TMEM14A: variants seen among roughly 807,000 people sequenced by gnomAD.
TMEM14A encodes transmembrane protein 14A.
TMEM14A carries 8 observed loss-of-function variants against 11.6 expected under a neutral mutation model. The ratio of observed to expected loss-of-function variants is 0.69; its 90% CI spans 0.40 to 1.24. TMEM14A has a LOEUF of 1.24. Among genes scored for constraint, TMEM14A ranks in the 50% most tolerant of loss-of-function variants. The pLI is 0.01. For missense variants in TMEM14A, 108 were observed against 121.9 expected (o/e 0.89, Z 0.54); for synonymous variants, 34 against 45.5 (o/e 0.75, Z 1.02).
chr6:52,672,023 C>A (rs60892918), intron 1 of TMEM14A, among the ~76,000 whole-genome samples: 1,608 of 152,300 alleles, frequency 0.011, 17 homozygotes, highest in African/African-American at 0.036. Flanking sequence ...ATTTATTTTG[C>A]CTCTTTAGAA....
chr6:52,681,051 C>A (rs947673423), intron 2 of TMEM14A, among the ~76,000 whole-genome samples: 5 of 151,918 alleles, frequency 3.3e-5, no homozygotes, highest in Admixed American at 2.6e-4. Flanking sequence ...GGATTTTAAC[C>A]TAACAGATTC....
At chr6:52,673,289 A>T (rs1220813763) in intron 1 of TMEM14A, among the ~76,000 whole-genome samples, 1 of 152,152 alleles carries the variant, frequency 6.6e-6, no homozygotes, top group Non-Finnish European at 1.5e-5. Context: ...AGAACATCTG[A>T]GCCCCTGCCC....
chr6:52,680,603 A>ATATATATATG (rs1769351097), intron 2 of TMEM14A, among the ~76,000 whole-genome samples: 1 of 121,734 alleles, frequency 8.2e-6, no homozygotes, highest in Non-Finnish European at 1.7e-5. Context: ...TTATATATAT[A>ATATATATATG]TATATATATG....
At chr6:52,673,420 C>T (rs2127261321) in intron 1 of TMEM14A, among the ~76,000 whole-genome samples, 1 of 152,148 alleles carries the variant, frequency 6.6e-6, no homozygotes, top group Middle Eastern at 3.4e-3. Context: ...GCATAAATTG[C>T]ATGATGTTTG....
At chr6:52,683,184 G>C (rs1769423122) in intron 3 of TMEM14A, among the ~76,000 whole-genome samples, 1 of 152,264 alleles carries the variant, frequency 6.6e-6, no homozygotes, top group Non-Finnish European at 1.5e-5. Context: ...TCTTAGCTAG[G>C]CATGGTGGCT....
At chr6:52,674,541 T>A (rs1467741016) in intron 1 of TMEM14A, among the ~76,000 whole-genome samples, 1 of 152,200 alleles carries the variant, frequency 6.6e-6, no homozygotes, top group Non-Finnish European at 1.5e-5. Context: ...CATGATTACA[T>A]GAGTTGATAC....
At chr6:52,680,593 T>TATA (rs1561874928) in intron 2 of TMEM14A, among the ~76,000 whole-genome samples, 5,697 of 96,222 alleles carry the variant, frequency 0.059, 377 homozygotes, top group East Asian at 0.13. Context: ...ATTTATATAT[T>TATA]TATATATATA....
rs371102796 is a variant in TMEM14A, at chr6:52,680,704, T to TATATATATATATATATATATATACACAC, written c.71-1108_71-1107insTATATATATATATATATATATACACACA. Among the ~76,000 whole-genome samples the TATATATATATATATATATATATACACAC allele has an allele frequency of 2.2e-4, 11 of 51,100 alleles. 1 individual carries two copies. The South Asian group carries it at 4.9e-3, about 23-fold the overall frequency. The allele number at this position is 51,100 out of a possible 152,430, so 33.5% of individuals were successfully genotyped here. ...ATATACATATATGTATATATATATA[T>TATATATATATATATATATATATACACAC]ACACATATATATATGGCATGGATGA... On this transcript the variant is annotated intron_variant, in intron 2 of 4. Coordinates refer to ENST00000211314, the MANE Select transcript of TMEM14A (RefSeq NM_014051.4).
At chr6:52,681,403 AC>A (rs1452016114) in intron 2 of TMEM14A, among the ~76,000 whole-genome samples, 3 of 152,182 alleles carry the variant, frequency 2.0e-5, no homozygotes, top group Non-Finnish European at 4.4e-5. Context: ...AACTAAAACT[AC>A]CTTTGCATCT....
In TMEM14A at chr6:52,680,577, CTATATATTTATATATTTATATA is replaced by C. The variant is rs1458212512; in HGVS notation, c.71-1228_71-1207del. Among the ~76,000 whole-genome samples the C allele has an allele frequency of 2.0e-3, 122 of 60,780 alleles. 1 individual carries two copies. Among genetic ancestry groups the C allele is most frequent in the South Asian group, 8.2e-3 (10 of 1,226 alleles). The allele number at this position is 60,780 out of a possible 152,430, so 39.9% of individuals were successfully genotyped here. A position where few individuals can be genotyped will look rare whatever the true frequency, so the allele number is the denominator to read the frequency against. On this transcript the variant is annotated intron_variant, in intron 2 of 4. Coordinates refer to ENST00000211314, the MANE Select transcript of TMEM14A (RefSeq NM_014051.4). ...TCTCCAACTGTAACATTCTAAGCCA[CTATATATTTATATATTTATATA>C]TATATATATATATGTATATATATGT...
chr6:52,680,660 T>TATATATATAC (rs1185425959), intron 2 of TMEM14A, among the ~76,000 whole-genome samples: 12,096 of 45,290 alleles, frequency 0.27, 2,746 homozygotes, highest in Non-Finnish European at 0.33. Context: ...TGTGTGTGTA[T>TATATATATAC]ATATATGTGT....
rs71799754 is a variant in TMEM14A at position 52,683,483 on chromosome 6, CA to C, written c.173-581del. Among the ~76,000 whole-genome samples the C allele has an allele frequency of 4.2e-3, 554 of 130,922 alleles. 2 individuals carry two copies. Among genetic ancestry groups the C allele is most frequent in the Middle Eastern group, 0.023 (6 of 262 alleles). 85.9% of individuals were successfully genotyped at this position (130,922 alleles called of 152,430 possible). A position where few individuals can be genotyped will look rare whatever the true frequency, so the allele number is the denominator to read the frequency against. On this transcript the variant is annotated intron_variant, in intron 3 of 4. Coordinates refer to ENST00000211314, the MANE Select transcript of TMEM14A (RefSeq NM_014051.4). ...TCAACAACAACAACAACAACAACAA[CA>C]AAAAAAAAAAAAAGAAAAAGAAAAG...
At chr6:52,679,031 T>TAC (rs1769314166) in intron 2 of TMEM14A, among the ~76,000 whole-genome samples, 1 of 152,180 alleles carries the variant, frequency 6.6e-6, no homozygotes, top group Non-Finnish European at 1.5e-5. Context: ...TTGAGAATAA[T>TAC]CTTGGGTCGG....
intron 2 of TMEM14A, among the ~76,000 whole-genome samples, chr6:52,678,565 A>G (rs1359950248): frequency 1.3e-5 from 2 of 152,282 alleles, no homozygotes; most frequent in Middle Eastern, 3.4e-3. Context: ...TGGGTTCACA[A>G]GGAAGCTCAC....
chr6:52,677,372 T>C (rs1314900725), intron 2 of TMEM14A, among the ~76,000 whole-genome samples, 200 bp downstream of exon 2: 1 of 152,156 alleles, frequency 6.6e-6, no homozygotes, highest in Non-Finnish European at 1.5e-5. Context: ...ACCTGGGGGT[T>C]CTGGGCCTCT....
At chr6:52,671,405 C>G (rs1276032251) in intron 1 of TMEM14A, among the ~76,000 whole-genome samples, 160 bp downstream of exon 1, 4 of 152,174 alleles carry the variant, frequency 2.6e-5, no homozygotes, top group Non-Finnish European at 5.9e-5. Context: ...TGCAGGGCAT[C>G]GGTCTTACCT....
At position 52,686,044 on chromosome 6, in the gene TMEM14A, C is replaced by T; in HGVS notation, c.295C>T (p.Leu99Phe). ...MMILRLVLLL[L>F] Reference sequence around the variant, plus strand: ...GATCCTGAGACTTGTCTTGTTGCTGCTCTGAGCATCTGGAGGAACAGAAAA... The same window carrying T: ...GATCCTGAGACTTGTCTTGTTGCTGTTCTGAGCATCTGGAGGAACAGAAAA... Residue 99 changes from leucine to phenylalanine, a missense_variant, in exon 5 of 5, where the codon CTC becomes TTC. By Grantham distance (22) the Leu-to-Phe change is conservative (BLOSUM62 0). Transcript: ENST00000211314. 6.2e-7 allele frequency: 1 copy of T among 1,611,710 alleles called. No individual in the cohort carries two copies. The highest frequency in any genetic ancestry group is 8.5e-7 in the Non-Finnish European group (1 of 1,178,964).
rs778387559 is a variant in TMEM14A, at chr6:52,677,132, C to T, written c.30C>T (p.Ala10=). 10 of 1,614,018 alleles carry T rather than the reference C, an allele frequency of 6.2e-6. No individual in the cohort carries two copies. The highest frequency in any genetic ancestry group is 8.5e-6 in the Non-Finnish European group (10 of 1,180,044). ...ACCTGATCGGTTTTGGTTATGCAGC[C>T]CTCGTGACATTTGGAAGCATTTTTG... The part of the protein sequence containing the change: MDLIGFGYA[A]LVTFGSIFGY... The change falls in exon 2 of 5, where the codon GCC becomes GCT. Residue 10 remains alanine (A), a synonymous_variant. Transcript: ENST00000211314.
intron 1 of TMEM14A, among the ~76,000 whole-genome samples, chr6:52,673,206 A>G (rs1206578044): frequency 6.6e-6 from 1 of 152,162 alleles, no homozygotes; most frequent in African/African-American, 2.4e-5. Flanking sequence ...TGTGTGGCAG[A>G]TGAACCTGAA....
Sources: allele counts gnomAD v4.1 joint callset (sites outside exome capture counted in the v4.1 genomes callset), GRCh38; gene constraint gnomAD v4.1.1; transcripts MANE v1.5; gene names NCBI Gene and HGNC (gene_info 2026-07-23, HGNC 2026-07-21).